Variants in C3orf49 observed in about 807,000 individuals in gnomAD.
C3orf49 encodes putative uncharacterized protein C3orf49.
In C3orf49, 27 loss-of-function variants were observed where a neutral mutation model predicts 13.3. The observed-to-expected ratio is 2.02, with a 90% CI of 1.49 to 2.79. The LOEUF (loss-of-function observed/expected upper bound fraction) is 2.79. Among genes scored for constraint, C3orf49 ranks in the 30% most tolerant of loss-of-function variants. The pLI, the probability that C3orf49 is intolerant of heterozygous loss-of-function variation, is 0.00. For missense variants in C3orf49, 242 were observed against 134.2 expected, an observed-to-expected ratio of 1.80 and a Z score of -3.97; for synonymous variants, 87 against 47.6, an observed-to-expected ratio of 1.83 and a Z score of -3.40.
At chr3:63,791,267 T>A in the C3orf49 span, among the ~76,000 whole-genome samples, 11 of 152,168 alleles carry the variant, frequency 7.2e-5, no homozygotes, top group Non-Finnish European at 1.6e-4. Context: ...GCTGAAATAA[T>A]TGTTTGGCTG....
chr3:63,785,731 A>C, the C3orf49 span, among the ~76,000 whole-genome samples: 1 of 152,138 alleles, frequency 6.6e-6, no homozygotes, highest in African/African-American at 2.4e-5. Flanking sequence ...TGCCACCCCC[A>C]AAATAATCGT....
chr3:63,781,496 C>T, the C3orf49 span, among the ~76,000 whole-genome samples: 3 of 152,060 alleles, frequency 2.0e-5, 1 homozygote, highest in African/African-American at 4.8e-5. Context: ...TCCATATGGA[C>T]TTTAAAGTAG....
At chr3:63,836,032 A>G (rs191055075) in intron 5 of C3orf49, among the ~76,000 whole-genome samples, 2 of 152,108 alleles carry the variant, frequency 1.3e-5, no homozygotes. Context: ...ATTCTTTTTA[A>G]CTGAAATTCA....
the C3orf49 span, among the ~76,000 whole-genome samples, chr3:63,789,512 A>G: frequency 1.3e-5 from 2 of 152,140 alleles, no homozygotes; most frequent in African/African-American, 4.8e-5. Flanking sequence ...AGCATTTTCA[A>G]CAGAAGTACA....
At chr3:63,801,107 C>T in the C3orf49 span, among the ~76,000 whole-genome samples, 1 of 152,182 alleles carries the variant, frequency 6.6e-6, no homozygotes, top group Non-Finnish European at 1.5e-5. Flanking sequence ...AAAAGGGAGA[C>T]ACTTGTTGAG....
the C3orf49 span, among the ~76,000 whole-genome samples, chr3:63,792,599 T>G: frequency 6.6e-6 from 1 of 152,232 alleles, no homozygotes; most frequent in Admixed American, 6.5e-5. Context: ...AATTAATCTC[T>G]CAAGTGGTTC....
the C3orf49 span, among the ~76,000 whole-genome samples, chr3:63,795,075 T>C: frequency 6.6e-6 from 1 of 152,146 alleles, no homozygotes; most frequent in East Asian, 1.9e-4. Flanking sequence ...ATCAGACTGA[T>C]TGCGGGCAGA....
the C3orf49 span, among the ~76,000 whole-genome samples, chr3:63,812,229 A>T: frequency 6.6e-6 from 1 of 152,210 alleles, no homozygotes; most frequent in African/African-American, 2.4e-5. Context: ...GAAGAAGAAA[A>T]ATTGTCTTGG....
chr3:63,809,703 C>T, the C3orf49 span, among the ~76,000 whole-genome samples: 1 of 152,214 alleles, frequency 6.6e-6, no homozygotes, highest in African/African-American at 2.4e-5. Flanking sequence ...TCTTTGCACA[C>T]ATCAAGCAGT....
At chr3:63,823,607 C>A (rs991475364) in intron 2 of C3orf49, 38 bp downstream of exon 2, 4 of 670,222 alleles carry the variant, frequency 6.0e-6, no homozygotes, top group Middle Eastern at 2.4e-4. Context: ...GGGTTGAGGC[C>A]AAGAGGAAGA....
chr3:63,838,512 A>C, intron 5 of C3orf49: 2 of 1,577,354 alleles, frequency 1.3e-6, no homozygotes, highest in Non-Finnish European at 1.7e-6. Context: ...AATGAAAAAG[A>C]AAGAAAACCA....
chr3:63,814,188 C>A, the C3orf49 span, among the ~76,000 whole-genome samples: 14 of 152,122 alleles, frequency 9.2e-5, no homozygotes, highest in Non-Finnish European at 1.5e-4. Flanking sequence ...ATGGGAGATA[C>A]CTGGCTGAAC....
chr3:63,781,277 T>C, the C3orf49 span, among the ~76,000 whole-genome samples: 1 of 151,392 alleles, frequency 6.6e-6, no homozygotes, highest in Admixed American at 6.6e-5. Flanking sequence ...TTTTCTCAGG[T>C]TTGTCAAAGA....
At chr3:63,803,774 AC>A in the C3orf49 span, among the ~76,000 whole-genome samples, 1 of 152,138 alleles carries the variant, frequency 6.6e-6, no homozygotes, top group Non-Finnish European at 1.5e-5. Flanking sequence ...ATTTCCACAG[AC>A]CAGGGTTGAG....
At chr3:63,846,136 CCTCT>C (rs369898101) in intron 6 of C3orf49, 19 of 412,818 alleles carry the variant, frequency 4.6e-5, no homozygotes, top group Middle Eastern at 6.9e-4. Context: ...ACTCCTACTG[CCTCT>C]CTCTCTCTTT....
the C3orf49 span, among the ~76,000 whole-genome samples, chr3:63,806,536 A>G: frequency 2.0e-5 from 3 of 152,290 alleles, no homozygotes; most frequent in Non-Finnish European, 4.4e-5. Context: ...CAGTTAATTC[A>G]GATAAATACT....
the C3orf49 span, among the ~76,000 whole-genome samples, chr3:63,797,278 G>A: frequency 1.2e-4 from 19 of 152,010 alleles, 1 homozygote; most frequent in Admixed American, 1.3e-4. Context: ...GTATGTGTGT[G>A]TATGCAGTTA....
chr3:63,790,404 C>A, the C3orf49 span, among the ~76,000 whole-genome samples: 1 of 152,168 alleles, frequency 6.6e-6, no homozygotes, highest in Non-Finnish European at 1.5e-5. Flanking sequence ...GAATCTGGTT[C>A]TTTTAAGGCG....
intron 2 of C3orf49, among the ~76,000 whole-genome samples, chr3:63,824,752 G>A (rs534860755): frequency 7.4e-5 from 11 of 149,232 alleles, no homozygotes; most frequent in Admixed American, 6.8e-5. Context: ...TGGGCGAATC[G>A]CTTGAATCTG....
Sources: gnomAD v4.1 joint callset for allele counts (sites outside exome capture counted in the v4.1 genomes callset) on GRCh38, gnomAD v4.1.1 for gene constraint, MANE v1.5 for transcripts, NCBI Gene and HGNC (gene_info 2026-07-23, HGNC 2026-07-21) for gene names.